Variants in ATG4B observed in about 807,000 individuals in gnomAD.
ATG4B encodes cysteine protease ATG4B.
Under a neutral mutation model 56.6 loss-of-function variants are expected in ATG4B, and 29 were observed. The ratio of observed to expected loss-of-function variants is 0.51; its 90% CI spans 0.38 to 0.70. The LOEUF is 0.70. ATG4B is among the 30% of genes least tolerant of loss of function. The pLI is 0.00. For missense variants in ATG4B, 461 were observed against 515.5 expected (o/e 0.89, Z 1.02); for synonymous variants, 224 against 206.1 (o/e 1.09, Z -0.74).
At position 241,666,792 on chromosome 2, in the gene ATG4B, G is replaced by A. The variant is rs1326302400; in HGVS notation, c.686G>A (p.Arg229His). The A allele has an allele frequency of 4.4e-6, 7 of 1,584,314 alleles. No individual in the cohort carries two copies. Among genetic ancestry groups the A allele is most frequent in the South Asian group, 1.1e-5 (1 of 87,048 alleles). The change falls in exon 8 of 13, where the codon CGC (arginine) becomes CAC (histidine). Residue 229 changes from arginine (R) to histidine (H), a missense_variant. Transcript: ENST00000404914. ...CCCCTGGTACTTCTCATTCCCCTGC[G>A]CCTGGGGCTCACGGACATCAACGAG... Reference protein sequence around the residue: ...WRPLVLLIPLRLGLTDINEAY... With the variant: ...WRPLVLLIPLHLGLTDINEAY...
At chr2:241,648,447 T>G (rs1443701263) in intron 1 of ATG4B, among the ~76,000 whole-genome samples, 3 of 151,852 alleles carry the variant, frequency 2.0e-5, no homozygotes, top group Non-Finnish European at 4.4e-5. Flanking sequence ...ATACAAGAAT[T>G]AGCTGGGTGT....
chr2:241,670,618 C>T (rs1559274923), intron 10 of ATG4B, 108 bp from the exon 11 acceptor site: 1 of 1,033,912 alleles, frequency 9.7e-7, no homozygotes, highest in East Asian at 2.6e-5. Flanking sequence ...CCAGCACCTG[C>T]ATGCTGGGGG....
chr2:241,666,815 G>GAGGCCT lies in ATG4B; in HGVS notation c.711_716dup (p.Ala238_Tyr239insTer). On this transcript the variant is annotated stop_gained and inframe_insertion, in exon 8 of 13. Coordinates refer to ENST00000404914, the MANE Select transcript of ATG4B (RefSeq NM_013325.5). LOFTEE classifies it high-confidence loss of function. ...GCGCCTGGGGCTCACGGACATCAAC[G>GAGGCCT]AGGCCTACGTGGAGACGCTGAAGGT... is the stretch of plus-strand genomic sequence containing the variant. 6.4e-7 allele frequency: 1 copy of GAGGCCT among 1,570,288 alleles called. No individual in the cohort carries two copies. Among genetic ancestry groups the GAGGCCT allele is most frequent in the Non-Finnish European group, 8.6e-7 (1 of 1,157,946 alleles).
In ATG4B at chr2:241,672,226, G is replaced by A. The variant is rs1196182391; in HGVS notation, c.1144G>A (p.Asp382Asn). The A allele has an allele frequency of 4.4e-6, 7 of 1,585,994 alleles. No individual in the cohort carries two copies. Among genetic ancestry groups the A allele is most frequent in the South Asian group, 2.3e-5 (2 of 86,784 alleles). Residue 382 changes from aspartate (D) to asparagine (N), a missense_variant, in exon 13 of 13, where the codon GAC (aspartate) becomes AAC (asparagine). Coordinates refer to ENST00000404914, the MANE Select transcript of ATG4B (RefSeq NM_013325.5). ...TGTAGAGCGACTGGAAAGATTCTTCGACTCAGAAGATGAAGACTTTGAAAT... is the reference window on the plus strand; with the variant it reads ...TGTAGAGCGACTGGAAAGATTCTTCAACTCAGAAGATGAAGACTTTGAAAT... The part of the protein sequence containing the change: ...SDVERLERFF[D>N]SEDEDFEILS...
At chr2:241,654,500 T>C in intron 4 of ATG4B, 46 bp from the exon 5 acceptor site, 1 of 1,361,490 alleles carries the variant, frequency 7.3e-7, no homozygotes, top group Non-Finnish European at 1.0e-6. Flanking sequence ...GAAAACTTGT[T>C]TCTCATATTT....
chr2:241,645,335 A>C (rs149509742), intron 1 of ATG4B, among the ~76,000 whole-genome samples: 1 of 152,150 alleles, frequency 6.6e-6, no homozygotes, highest in Non-Finnish European at 1.5e-5. Context: ...TTGCTCTCTA[A>C]ATGCAGTCAC....
chr2:241,650,481 C>T lies in ATG4B; in HGVS notation c.11-529C>T, dbSNP rs180881035. On this transcript the variant is annotated intron_variant, in intron 1 of 12. Coordinates refer to ENST00000404914, the MANE Select transcript of ATG4B (RefSeq NM_013325.5). ...GCCTTCATCACAGTGACTCTGAACA[C>T]GCTGCCATGGTGACATCTGGTAAAC... Among the ~76,000 whole-genome samples, 507 of 152,208 alleles carry T rather than the reference C, an allele frequency of 3.3e-3. 1 individual carries two copies. Among genetic ancestry groups the T allele is most frequent in the Non-Finnish European group, 2.9e-3 (194 of 68,006 alleles).
At chr2:241,670,609 C>T (rs1193544477) in intron 10 of ATG4B, 117 bp from the exon 11 acceptor site, 5 of 983,420 alleles carry the variant, frequency 5.1e-6, no homozygotes, top group Non-Finnish European at 6.3e-6. Context: ...CTGGAATGTC[C>T]AGCACCTGCA....
At chr2:241,647,227 G>T (rs2068088187) in intron 1 of ATG4B, among the ~76,000 whole-genome samples, 1 of 152,200 alleles carries the variant, frequency 6.6e-6, no homozygotes, top group South Asian at 2.1e-4. Flanking sequence ...TAAAAGATAT[G>T]TGTATCTTTA....
rs191309048 is a variant in ATG4B at position 241,651,954 on chromosome 2, G to A, written c.184+619G>A. 2.2e-4 allele frequency: 287 copies of A among 1,304,088 alleles called. No homozygotes were observed. The highest frequency in any genetic ancestry group is 1.4e-4 in the South Asian group (11 of 81,024). 80.8% of individuals were successfully genotyped at this position (1,304,088 alleles called of 1,614,324 possible). ...CTGGTTCTCAGCCTTGCCTCTCACC[G>A]GCGGAGAACTGAGGCCGGAGGTGAG... On this transcript the variant is annotated intron_variant, in intron 3 of 12. Transcript: ENST00000404914. This position sits in a 1 kb window ranked among gnomAD's most constrained non-coding sequence, Gnocchi z 4.1.
intron 7 of ATG4B, chr2:241,659,521 C>T: frequency 2.6e-6 from 1 of 380,284 alleles, no homozygotes; most frequent in Non-Finnish European, 5.3e-6. Flanking sequence ...TTTTGCGTGC[C>T]TTGATGTGCG....
At chr2:241,657,735 CTTCT>C (rs1315352129) in intron 6 of ATG4B, among the ~76,000 whole-genome samples, 12 of 152,360 alleles carry the variant, frequency 7.9e-5, no homozygotes, top group East Asian at 3.9e-4. Flanking sequence ...GCCCCATCTT[CTTCT>C]TTCTTGTTGA....
chr2:241,655,392 C>T (rs762923509), intron 6 of ATG4B, 49 bp downstream of exon 6: 1 of 1,555,100 alleles, frequency 6.4e-7, no homozygotes, highest in African/African-American at 1.4e-5. Context: ...GGGATGTTCC[C>T]TGGGGGTTAA....
chr2:241,671,967 G>A (rs1277732405), intron 12 of ATG4B: 6 of 1,404,444 alleles, frequency 4.3e-6, no homozygotes, highest in South Asian at 1.6e-5. Context: ...AGATTGTGCC[G>A]GCCGCCCCCT....
chr2:241,659,781 T>C (rs4675942), intron 7 of ATG4B: 116,980 of 163,068 alleles, frequency 0.72, 43,328 homozygotes, highest in East Asian at 0.95. Flanking sequence ...AATGCCTCAT[T>C]GCCTTTTTCA....
Position 241,666,670 on chromosome 2 carries a change from C to T in ATG4B, c.564C>T (p.Pro188=), listed in dbSNP as rs1575087519. 1.9e-6 allele frequency: 3 copies of T among 1,613,566 alleles called. No individual in the cohort carries two copies. Among genetic ancestry groups the T allele is most frequent in the South Asian group, 1.1e-5 (1 of 90,964 alleles). The change falls in exon 8 of 13, where the codon CCC becomes CCT. Residue 188 remains proline (P), a synonymous_variant. Transcript: ENST00000404914. ...GAAGGTTGTGCAGGACCAGCGTTCCCTGTGCAGGCGCCACTGCGTTTCCTG... is the reference window on the plus strand; with the variant it reads ...GAAGGTTGTGCAGGACCAGCGTTCCTTGTGCAGGCGCCACTGCGTTTCCTG... ...EIRRLCRTSV[P]CAGATAFPAD...
chr2:241,653,132 A>G (rs1050010503), intron 3 of ATG4B, among the ~76,000 whole-genome samples: 2 of 152,256 alleles, frequency 1.3e-5, no homozygotes, highest in African/African-American at 2.4e-5. Flanking sequence ...TGCTCTCAGC[A>G]GCACTGGATG....
intron 10 of ATG4B, among the ~76,000 whole-genome samples, chr2:241,670,402 C>T (rs891677247): frequency 6.6e-6 from 1 of 152,130 alleles, no homozygotes; most frequent in African/African-American, 2.4e-5. Context: ...AAGAGCTCCC[C>T]ACTTGGCCCT....
Position 241,672,310 on chromosome 2 carries a change from GGTGCCGCTGC to G in ATG4B, c.*49_*58del. 1 of 1,498,598 alleles carries G rather than the reference GGTGCCGCTGC, an allele frequency of 6.7e-7. No individual in the cohort carries two copies. Among genetic ancestry groups the G allele is most frequent in the Non-Finnish European group, 9.1e-7 (1 of 1,098,982 alleles). 92.8% of individuals were successfully genotyped at this position (1,498,598 alleles called of 1,614,324 possible). Reference sequence around the variant, plus strand: ...GCACCTGTGAGAGCCTGGGGCTCCTGGTGCCGCTGCGTTTCATCCATCCCGCCCGCTCGCC... The same window carrying G: ...GCACCTGTGAGAGCCTGGGGCTCCTGGTTTCATCCATCCCGCCCGCTCGCC... On this transcript the variant is annotated 3_prime_UTR_variant, in exon 13 of 13. Transcript: ENST00000404914.
Sources: gnomAD v4.1 joint callset for allele counts (sites outside exome capture counted in the v4.1 genomes callset) on GRCh38, gnomAD v4.1.1 for gene constraint, Gnocchi (gnomAD v3.1) non-coding constraint, MANE v1.5 for transcripts, NCBI Gene and HGNC (gene_info 2026-07-23, HGNC 2026-07-21) for gene names.